The following ADGRL2 variants were observed in gnomAD, a reference collection of about 807,000 sequenced individuals.
The protein encoded by ADGRL2 is calcium-independent alpha-latrotoxin receptor 2.
Under a neutral mutation model 157.4 loss-of-function variants are expected in ADGRL2, and 44 were observed. The ratio of observed to expected loss-of-function variants is 0.28; its 90% CI spans 0.22 to 0.36. ADGRL2 has a LOEUF of 0.36. Ranked by LOEUF, ADGRL2 falls within the 10% of genes least tolerant of loss-of-function variation. The pLI, the probability that ADGRL2 is intolerant of heterozygous loss-of-function variation, is 1.00. For missense variants in ADGRL2, 1,510 were observed against 1,768.9 expected, an observed-to-expected ratio of 0.85 and a Z score of 2.63; for synonymous variants, 585 against 624.7, an observed-to-expected ratio of 0.94 and a Z score of 0.95.
At position 81,375,905 on chromosome 1, in the gene ADGRL2, CT is replaced by C. The variant is rs147596079; in HGVS notation, c.-301-69128del. On this transcript the variant is annotated intron_variant, in intron 1 of 24. Coordinates refer to the ADGRL2 transcript ENST00000370721. ...CTATTTTTAAAAGCAAGAATACATCCTTTGACATTCTGTTAATTAGAACAAA... is the reference window on the plus strand; with the variant it reads ...CTATTTTTAAAAGCAAGAATACATCCTTGACATTCTGTTAATTAGAACAAA... Among the ~76,000 whole-genome samples the C allele has an allele frequency of 6.2e-3, 945 of 152,118 alleles. 7 individuals are homozygous for C. Among genetic ancestry groups the C allele is most frequent in the African/African-American group, 0.021 (878 of 41,504 alleles).
intron 1 of ADGRL2, among the ~76,000 whole-genome samples, chr1:81,342,341 A>G (rs1420458596): frequency 6.6e-6 from 1 of 152,222 alleles, no homozygotes; most frequent in Non-Finnish European, 1.5e-5. Flanking sequence ...GAATTAATCA[A>G]ATCAAATTAA....
At chr1:81,845,580 A>C (rs1447929762) in intron 2 of ADGRL2, among the ~76,000 whole-genome samples, 1 of 151,956 alleles carries the variant, frequency 6.6e-6, no homozygotes, top group African/African-American at 2.4e-5. Context: ...GGGGACAAAA[A>C]CATTTTTTGT....
intron 1 of ADGRL2, among the ~76,000 whole-genome samples, chr1:81,331,926 C>T (rs1014021961): frequency 6.6e-6 from 1 of 151,972 alleles, no homozygotes; most frequent in Non-Finnish European, 1.5e-5. Context: ...TTTTAGAAAG[C>T]ACAAAAAAAT....
chr1:81,471,726 A>G (rs2078176739), intron 2 of ADGRL2, among the ~76,000 whole-genome samples: 1 of 152,348 alleles, frequency 6.6e-6, no homozygotes, highest in Admixed American at 6.5e-5. Flanking sequence ...GACTTTCTGC[A>G]GGTACTTAAC....
chr1:81,419,207 T>A (rs1255526894), intron 1 of ADGRL2, among the ~76,000 whole-genome samples: 1 of 152,186 alleles, frequency 6.6e-6, no homozygotes, highest in Non-Finnish European at 1.5e-5. Context: ...TTTTTTATTA[T>A]TATTTATTTA....
intron 3 of ADGRL2, among the ~76,000 whole-genome samples, chr1:81,609,787 G>A (rs1468275745): frequency 1.3e-5 from 2 of 152,190 alleles, no homozygotes; most frequent in Non-Finnish European, 2.9e-5. Flanking sequence ...CAAGCTTTGT[G>A]TTCCAGTCCT....
intron 1 of ADGRL2, among the ~76,000 whole-genome samples, chr1:81,321,674 A>G (rs901793133): frequency 6.6e-6 from 1 of 152,204 alleles, no homozygotes; most frequent in African/African-American, 2.4e-5. Flanking sequence ...ACGGTCTTAC[A>G]TGGATGTGGC....
chr1:81,755,178 ATAGATT>A (rs1156820898), intron 1 of ADGRL2, among the ~76,000 whole-genome samples: 1 of 139,068 alleles, frequency 7.2e-6, no homozygotes, highest in Non-Finnish European at 1.6e-5. Context: ...AAAGATATAT[ATAGATT>A]TAAAGATATA....
At chr1:81,306,195 C>T (rs1659330065) in exon 1 of ADGRL2, 1 of 152,102 alleles carries the variant, frequency 6.6e-6, no homozygotes, top group Non-Finnish European at 1.5e-5. Flanking sequence ...TTGCGCTGTC[C>T]CTCATTCATG....
intron 2 of ADGRL2, among the ~76,000 whole-genome samples, chr1:81,576,907 A>C (rs950321570): frequency 6.6e-6 from 1 of 152,194 alleles, no homozygotes; most frequent in African/African-American, 2.4e-5. Flanking sequence ...ACATGATCTC[A>C]GTCTCAGTCC....
At chr1:81,878,304 A>G (rs1177233391) in intron 2 of ADGRL2, among the ~76,000 whole-genome samples, 1 of 152,108 alleles carries the variant, frequency 6.6e-6, no homozygotes, top group Non-Finnish European at 1.5e-5. Flanking sequence ...TGAAGAAATT[A>G]TATGAGAAGA....
At chr1:81,557,449 G>GAGAA (rs1295908155) in intron 2 of ADGRL2, 577 of 44,628 alleles carry the variant, frequency 0.013, 9 homozygotes, top group African/African-American at 0.03. Context: ...GAAAGAAAGA[G>GAGAA]AGAAAGAAAG....
intron 2 of ADGRL2, among the ~76,000 whole-genome samples, chr1:81,496,331 A>G (rs2147983330): frequency 6.6e-6 from 1 of 152,300 alleles, no homozygotes; most frequent in East Asian, 1.9e-4. Flanking sequence ...AACTATTAAT[A>G]AAATGTCTGT....
intron 3 of ADGRL2, among the ~76,000 whole-genome samples, chr1:81,683,320 T>C (rs2083158556): frequency 6.6e-6 from 1 of 152,186 alleles, no homozygotes; most frequent in Non-Finnish European, 1.5e-5. Context: ...CCATAAGTTA[T>C]TGGGGTACAG....
chr1:81,636,270 T>C (rs2148779852), intron 3 of ADGRL2, among the ~76,000 whole-genome samples: 1 of 152,338 alleles, frequency 6.6e-6, no homozygotes, highest in Non-Finnish European at 1.5e-5. Context: ...TATGTGCATA[T>C]TTGTGTATGG....
chr1:81,738,532 G>A (rs2084973411), intron 1 of ADGRL2, among the ~76,000 whole-genome samples: 1 of 152,208 alleles, frequency 6.6e-6, no homozygotes, highest in Admixed American at 6.5e-5. Flanking sequence ...ATATCATAGT[G>A]TTTATTGTCA....
chr1:81,468,139 TATG>T (rs1453123856), intron 2 of ADGRL2, among the ~76,000 whole-genome samples: 1 of 152,032 alleles, frequency 6.6e-6, no homozygotes, highest in Non-Finnish European at 1.5e-5. Flanking sequence ...GAAAAGAAAA[TATG>T]ATGAAGTTCT....
chr1:81,434,232 A>G (rs992608888), intron 1 of ADGRL2, among the ~76,000 whole-genome samples: 1 of 152,228 alleles, frequency 6.6e-6, no homozygotes, highest in South Asian at 2.1e-4. Context: ...TATTAACCAC[A>G]TAGAGTTTTG....
intron 3 of ADGRL2, among the ~76,000 whole-genome samples, chr1:81,922,617 T>C (rs2095011133): frequency 6.6e-6 from 1 of 152,170 alleles, no homozygotes; most frequent in Non-Finnish European, 1.5e-5. Context: ...GGCATATTTA[T>C]GGTATTACTA....
Sources: allele counts gnomAD v4.1 joint callset (sites outside exome capture counted in the v4.1 genomes callset), GRCh38; gene constraint gnomAD v4.1.1; transcripts MANE v1.5; gene names NCBI Gene and HGNC (gene_info 2026-07-23, HGNC 2026-07-21).